Variants in ARHGEF12 observed in about 807,000 individuals in gnomAD.
ARHGEF12 encodes KMT2A/ARHGEF12 fusion protein.
A neutral mutation model predicts 211.2 loss-of-function variants in ARHGEF12; 66 were observed. The ratio of observed to expected loss-of-function variants is 0.31; its 90% CI spans 0.26 to 0.38. The LOEUF is 0.38. ARHGEF12 is among the 10% of genes least tolerant of loss of function. ARHGEF12 has a pLI of 1.00. For missense variants in ARHGEF12, 1,429 were observed against 1,869.5 expected, an observed-to-expected ratio of 0.76 and a Z score of 4.34; for synonymous variants, 592 against 638.4, an observed-to-expected ratio of 0.93 and a Z score of 1.09.
chr11:120,449,720 G>GA (rs141631919), intron 21 of ARHGEF12: 2,219 of 117,630 alleles, frequency 0.019, 52 homozygotes, highest in African/African-American at 0.06. Context: ...AAAAAGAAAA[G>GA]AAAAAAAAAA....
At chr11:120,404,052 C>T (rs1944620001) in intron 1 of ARHGEF12, among the ~76,000 whole-genome samples, 1 of 152,198 alleles carries the variant, frequency 6.6e-6, no homozygotes, top group Non-Finnish European at 1.5e-5. Context: ...CCTCCATTCT[C>T]AATCATGCAG....
intron 4 of ARHGEF12, among the ~76,000 whole-genome samples, chr11:120,414,788 T>C (rs1037191570): frequency 5.9e-5 from 9 of 152,200 alleles, no homozygotes; most frequent in African/African-American, 1.7e-4. Context: ...GAAGAGGTCT[T>C]GCTAAGTTGC....
In ARHGEF12 at chr11:120,460,547, TAAG is replaced by T. The variant is rs749295642; in HGVS notation, c.2528-121_2528-119del. 1.8e-4 allele frequency: 113 copies of T among 623,242 alleles called. No individual in the cohort carries two copies. The Middle Eastern group carries it at 4.2e-3, about 23-fold the overall frequency. The allele number at this position is 623,242 out of a possible 1,614,324, so 38.6% of individuals were successfully genotyped here. ...ATGTCCAGATTTATATTTAAGGAGATAAGAAGCAGCTGTACTACTGTGAAAATC... is the reference window on the plus strand; with the variant it reads ...ATGTCCAGATTTATATTTAAGGAGATAAGCAGCTGTACTACTGTGAAAATC... On this transcript the variant is annotated intron_variant, in intron 26 of 40. Transcript: ENST00000397843.
intron 1 of ARHGEF12, among the ~76,000 whole-genome samples, chr11:120,353,533 A>G (rs932066525): frequency 1.3e-5 from 2 of 152,144 alleles, no homozygotes; most frequent in African/African-American, 4.8e-5. Flanking sequence ...CTGGAATACA[A>G]GTCACCTCCA....
At chr11:120,379,344 T>C (rs1479085072) in intron 1 of ARHGEF12, among the ~76,000 whole-genome samples, 1 of 152,044 alleles carries the variant, frequency 6.6e-6, no homozygotes, top group African/African-American at 2.4e-5. Context: ...CATAATGTCA[T>C]GTTATTAAAA....
intron 6 of ARHGEF12, 67 bp downstream of exon 6, chr11:120,421,919 A>AT (rs1273546775): frequency 8.0e-6 from 10 of 1,249,052 alleles, no homozygotes; most frequent in East Asian, 4.9e-5. Flanking sequence ...TCATATTCTG[A>AT]TTTTTTTCAC....
chr11:120,376,025 G>A (rs759863996), intron 1 of ARHGEF12, among the ~76,000 whole-genome samples: 2 of 152,074 alleles, frequency 1.3e-5, no homozygotes, highest in African/African-American at 4.8e-5. Flanking sequence ...CATGCCAAGG[G>A]TACTTACCGC....
Position 120,451,561 on chromosome 11 carries a change from C to G in ARHGEF12, c.1893C>G (p.Ser631=), listed in dbSNP as rs1158783105. The change falls in exon 22 of 41, where the codon TCC becomes TCG. Residue 631 remains serine (S), a synonymous_variant. Coordinates refer to ENST00000397843, the MANE Select transcript of ARHGEF12 (RefSeq NM_015313.3). The part of the protein sequence containing the change: ...LQKARHPKHL[S]TPSSVSPEPQ... The stretch of plus-strand genomic sequence containing the variant: ...AGGCGCGCCACCCTAAGCACTTATC[C>G]ACACCCTCATCTGTGAGTCCTGAAC... 6.2e-7 allele frequency: 1 copy of G among 1,613,992 alleles called. No homozygotes were observed. Among genetic ancestry groups the G allele is most frequent in the Non-Finnish European group, 8.5e-7 (1 of 1,180,016 alleles).
chr11:120,390,782 T>C (rs1234151015), intron 1 of ARHGEF12, among the ~76,000 whole-genome samples: 1 of 152,202 alleles, frequency 6.6e-6, no homozygotes. Context: ...GCAAGGGTTC[T>C]AGTTAGACTG....
intron 3 of ARHGEF12, 145 bp from the exon 4 acceptor site, chr11:120,409,249 T>G: frequency 1.5e-6 from 1 of 681,082 alleles, no homozygotes; most frequent in Non-Finnish European, 2.5e-6. Flanking sequence ...GTGACTATTC[T>G]AAGTGCTGTC....
chr11:120,484,631 C>G (rs1947351423), intron 40 of ARHGEF12, 124 bp downstream of exon 40: 1 of 880,744 alleles, frequency 1.1e-6, no homozygotes, highest in Non-Finnish European at 1.7e-6. Flanking sequence ...AAAGAACTGC[C>G]TGTTTCTAAA....
At chr11:120,371,249 G>A (rs1469361479) in intron 1 of ARHGEF12, among the ~76,000 whole-genome samples, 1 of 152,236 alleles carries the variant, frequency 6.6e-6, no homozygotes, top group Non-Finnish European at 1.5e-5. Flanking sequence ...AGCAATATGG[G>A]AGGCCGAGGC....
chr11:120,472,786 C>T (rs1289574557), intron 30 of ARHGEF12, among the ~76,000 whole-genome samples: 1 of 152,064 alleles, frequency 6.6e-6, no homozygotes, highest in Non-Finnish European at 1.5e-5. Context: ...TCCCAAGTAG[C>T]TGGGACCACA....
chr11:120,409,131 G>A (rs545485561), intron 3 of ARHGEF12: 21 of 428,510 alleles, frequency 4.9e-5, no homozygotes, highest in African/African-American at 4.2e-4. Context: ...ACAATTATCA[G>A]GTGATATATT....
At chr11:120,482,019 A>G (rs1408117974) in intron 39 of ARHGEF12, among the ~76,000 whole-genome samples, 1 of 152,274 alleles carries the variant, frequency 6.6e-6, no homozygotes, top group Non-Finnish European at 1.5e-5. Context: ...TCGGCCTCCC[A>G]AAGTACTGGG....
Position 120,337,265 on chromosome 11 carries a change from A to G in ARHGEF12, c.22A>G (p.Ile8Val), listed in dbSNP as rs771144910. The G allele has an allele frequency of 4.3e-6, 7 of 1,614,060 alleles. No homozygotes were observed. Among genetic ancestry groups the G allele is most frequent in the Admixed American group, 3.3e-5 (2 of 59,998 alleles). Residue 8 changes from isoleucine to valine, a missense_variant, in exon 1 of 41, where the codon ATC becomes GTC. Ile to Val is a conservative substitution (Grantham distance 29). Around this residue, in one of 7 missense-constraint regions of ARHGEF12, gnomAD observed 41 missense variants for 48.6 expected, o/e 0.84. Transcript: ENST00000397843. ...CCCAATGAGTGGCACACAGTCTACT[A>G]TCACCGACAGGTTGGTATGAATTCC... MSGTQST[I>V]TDRFPLKKPI...
intron 4 of ARHGEF12, among the ~76,000 whole-genome samples, chr11:120,416,868 T>C (rs1827899666): frequency 6.6e-6 from 1 of 152,158 alleles, no homozygotes; most frequent in South Asian, 2.1e-4. Context: ...GCCAGGATGG[T>C]CTCAATCTCT....
intron 1 of ARHGEF12, among the ~76,000 whole-genome samples, chr11:120,393,625 A>T (rs564002249): frequency 1.3e-5 from 2 of 152,310 alleles, no homozygotes; most frequent in African/African-American, 4.8e-5. Flanking sequence ...AAGAAGACAT[A>T]TCTAGGCATG....
Position 120,445,439 on chromosome 11 carries a change from T to A in ARHGEF12, c.1320T>A (p.Val440=). Residue 440 remains valine, a synonymous_variant, in exon 16 of 41, where the codon GTT becomes GTA. Transcript: ENST00000397843. ...CATTTTAGCACCTGAAAGTTTCTGT[T>A]CCTGATGAAATGTCTGCAGATCTAG... The part of the protein sequence containing the change: ...LDRSAHLKVS[V]PDEMSADLEK... 1 of 1,614,164 alleles carries A rather than the reference T, an allele frequency of 6.2e-7. No homozygotes were observed. Among genetic ancestry groups the A allele is most frequent in the Non-Finnish European group, 8.5e-7 (1 of 1,180,006 alleles).
Sources: gnomAD v4.1 joint callset for allele counts (sites outside exome capture counted in the v4.1 genomes callset) on GRCh38, gnomAD v4.1.1 for gene constraint, gnomAD v4.1.1 regional missense constraint, MANE v1.5 for transcripts, NCBI Gene and HGNC (gene_info 2026-07-23, HGNC 2026-07-21) for gene names.